The following SNX29 variants were observed in gnomAD, a reference collection of about 807,000 sequenced individuals.
The protein encoded by SNX29 is sorting nexin 29, also known as sorting nexin-29.
In SNX29, 78 loss-of-function variants were observed where a neutral mutation model predicts 102.1. The observed-to-expected ratio is 0.76, with a 90% CI of 0.64 to 0.92. The LOEUF is 0.92. SNX29 is among the 40% of genes least tolerant of loss of function. The pLI, the probability that SNX29 is intolerant of heterozygous loss-of-function variation, is 0.00. For synonymous variants in SNX29, 580 were observed against 414.5 expected (o/e 1.40, Z -4.85); for missense variants, 1,280 against 1,061.7 (o/e 1.21, Z -2.86).
chr16:12,013,500 A>AAAAAAAAATAT, intron 3 of SNX29, among the ~76,000 whole-genome samples: 11 of 31,626 alleles, frequency 3.5e-4, no homozygotes, highest in Non-Finnish European at 5.5e-4. Flanking sequence ...AAAAAAAAAA[A>AAAAAAAAATAT]ATATATATAT....
chr16:12,306,637 G>C (rs777813144), intron 15 of SNX29, among the ~76,000 whole-genome samples: 2 of 152,216 alleles, frequency 1.3e-5, no homozygotes, highest in Non-Finnish European at 2.9e-5. Context: ...CAACTTTCAA[G>C]TTTAATGATG....
At chr16:12,032,455 C>T (rs2151138019) in intron 4 of SNX29, among the ~76,000 whole-genome samples, 1 of 152,126 alleles carries the variant, frequency 6.6e-6, no homozygotes, top group South Asian at 2.1e-4. Context: ...ATCCACCCAC[C>T]TCGGCCTCCC....
At chr16:12,417,670 C>T (rs1241154952) in intron 18 of SNX29, among the ~76,000 whole-genome samples, 1 of 151,982 alleles carries the variant, frequency 6.6e-6, no homozygotes, top group Non-Finnish European at 1.5e-5. Context: ...CCTTCCTCCT[C>T]TTACTGCCTC....
At chr16:12,185,771 G>C (rs2076495312) in intron 13 of SNX29, among the ~76,000 whole-genome samples, 1 of 152,228 alleles carries the variant, frequency 6.6e-6, no homozygotes, top group South Asian at 2.1e-4. Flanking sequence ...CCCTCCAGCT[G>C]TTATCAGCAA....
rs1266539321 is a variant in SNX29 at position 12,363,205 on chromosome 16, C to A, written c.1899+6926C>A. Among the ~76,000 whole-genome samples, 4 of 152,220 alleles carry A rather than the reference C, an allele frequency of 2.6e-5. No homozygotes were observed. The South Asian group carries it at 8.3e-4, about 31-fold the overall frequency. The stretch of plus-strand genomic sequence containing the variant: ...GGGGATACCCCATTATTGCCTCAGG[C>A]CTGCTTTGGTCGTCATCTCAGAGTC... On this transcript the variant is annotated intron_variant, in intron 16 of 20. Coordinates refer to ENST00000566228, the MANE Select transcript of SNX29 (RefSeq NM_032167.5).
At chr16:12,340,491 G>A (rs2151254350) in intron 15 of SNX29, among the ~76,000 whole-genome samples, 1 of 152,322 alleles carries the variant, frequency 6.6e-6, no homozygotes. Flanking sequence ...AAGGATGGAT[G>A]GATGTGGGAG....
intron 19 of SNX29, among the ~76,000 whole-genome samples, chr16:12,504,428 C>G (rs1470168953): frequency 2.6e-5 from 4 of 152,188 alleles, no homozygotes; most frequent in Non-Finnish European, 5.9e-5. Context: ...CAGCCCTAGG[C>G]AACCACTCAT....
At chr16:12,176,832 G>C (rs549066732) in intron 13 of SNX29, among the ~76,000 whole-genome samples, 8 of 152,268 alleles carry the variant, frequency 5.3e-5, no homozygotes, top group African/African-American at 1.9e-4. Flanking sequence ...TGTTCTCAGT[G>C]ATTTGAATTT....
chr16:12,018,585 G>GA (rs1332146892), intron 3 of SNX29, among the ~76,000 whole-genome samples: 95 of 137,304 alleles, frequency 6.9e-4, no homozygotes, highest in South Asian at 2.1e-3. Context: ...TCTGTCTCAA[G>GA]AAAAAAAAAA....
intron 13 of SNX29, among the ~76,000 whole-genome samples, chr16:12,145,095 C>A (rs59256917): frequency 6.6e-6 from 1 of 151,962 alleles, no homozygotes; most frequent in Non-Finnish European, 1.5e-5. Context: ...GTTTGCTCAC[C>A]CAATGTAAAG....
chr16:12,436,982 G>A (rs749108036), intron 18 of SNX29, among the ~76,000 whole-genome samples: 39 of 152,274 alleles, frequency 2.6e-4, no homozygotes, highest in African/African-American at 7.9e-4. Context: ...TTGAGGTATC[G>A]CTAGGGTATT....
chr16:12,034,875 GT>G (rs1261335460), intron 4 of SNX29, among the ~76,000 whole-genome samples: 1 of 152,144 alleles, frequency 6.6e-6, no homozygotes, highest in African/African-American at 2.4e-5. Flanking sequence ...GCTGGGCATG[GT>G]GGTAGGCACC....
intron 18 of SNX29, among the ~76,000 whole-genome samples, chr16:12,413,747 C>G (rs1007302737): frequency 6.6e-6 from 1 of 152,220 alleles, no homozygotes; most frequent in Non-Finnish European, 1.5e-5. Flanking sequence ...GCCAGGCGCC[C>G]TGCCCCGCAC....
At chr16:12,286,668 T>A (rs1340896905) in intron 15 of SNX29, among the ~76,000 whole-genome samples, 1 of 152,162 alleles carries the variant, frequency 6.6e-6, no homozygotes, top group East Asian at 1.9e-4. Flanking sequence ...AAAATTTTTT[T>A]ATTATGTAAA....
At chr16:12,315,791 C>CA (rs1251224618) in intron 15 of SNX29, among the ~76,000 whole-genome samples, 2 of 152,254 alleles carry the variant, frequency 1.3e-5, no homozygotes, top group East Asian at 1.9e-4. Flanking sequence ...AACTTATTTA[C>CA]AAAAATGGAT....
chr16:12,431,442 TTTTTTG>T (rs2085312276), intron 18 of SNX29, among the ~76,000 whole-genome samples: 2 of 151,938 alleles, frequency 1.3e-5, no homozygotes, highest in Admixed American at 1.3e-4. Flanking sequence ...TTCTTTTTTT[TTTTTTG>T]TTTTTGTTTT....
At chr16:12,436,537 C>T (rs1180170529) in intron 18 of SNX29, among the ~76,000 whole-genome samples, 1 of 152,262 alleles carries the variant, frequency 6.6e-6, no homozygotes, top group African/African-American at 2.4e-5. Context: ...CAGGCGCAGC[C>T]TGGCTTGGGA....
chr16:12,247,951 G>T (rs1042235995), intron 14 of SNX29, among the ~76,000 whole-genome samples: 1 of 152,094 alleles, frequency 6.6e-6, no homozygotes, highest in Non-Finnish European at 1.5e-5. Context: ...AATTACCATG[G>T]AACAAGGGCA....
chr16:12,206,537 C>T (rs1456453600), intron 14 of SNX29, among the ~76,000 whole-genome samples: 1 of 152,164 alleles, frequency 6.6e-6, no homozygotes, highest in African/African-American at 2.4e-5. Flanking sequence ...TCCCATGAGT[C>T]AGTACACGGG....
Sources: gnomAD v4.1 joint callset for allele counts (sites outside exome capture counted in the v4.1 genomes callset) on GRCh38, gnomAD v4.1.1 for gene constraint, MANE v1.5 for transcripts, NCBI Gene and HGNC (gene_info 2026-07-23, HGNC 2026-07-21) for gene names.